DNM1: variants seen among roughly 807,000 people sequenced by gnomAD.
DNM1 encodes dynamin-1.
In DNM1, 29 loss-of-function variants were observed where a neutral mutation model predicts 104.6. That is an observed-to-expected ratio of 0.28 (90% confidence interval 0.21 to 0.38). The LOEUF (loss-of-function observed/expected upper bound fraction) is 0.38. Ranked by LOEUF, DNM1 falls within the 10% of genes least tolerant of loss-of-function variation. The pLI, the probability that DNM1 is intolerant of heterozygous loss-of-function variation, is 1.00. For synonymous variants in DNM1, 445 were observed against 475.8 expected, an observed-to-expected ratio of 0.94 and a Z score of 0.84; for missense variants, 640 against 1,189.4, an observed-to-expected ratio of 0.54 and a Z score of 6.79.
rs1208133287 is a variant in DNM1, at chr9:128,245,985, G to T, written c.1672-409G>T. On this transcript the variant is annotated intron_variant, in intron 15 of 21. Coordinates refer to ENST00000372923, the MANE Select transcript of DNM1 (RefSeq NM_004408.4). This position sits in a 1 kb window ranked among gnomAD's most constrained non-coding sequence, Gnocchi z 5.2. Reference sequence around the variant, plus strand: ...TGGGCTGAGCCGGCCCTTTGAAGCCGCCGGGTCTGGTGGCCCCCCTTCCTG... The same window carrying T: ...TGGGCTGAGCCGGCCCTTTGAAGCCTCCGGGTCTGGTGGCCCCCCTTCCTG... Among the ~76,000 whole-genome samples, 1 of 152,222 alleles carries T rather than the reference G, an allele frequency of 6.6e-6. No individual in the cohort carries two copies. The highest frequency in any genetic ancestry group is 1.5e-5 in the Non-Finnish European group (1 of 68,030).
chr9:128,219,653 T>G (rs1834825040), intron 4 of DNM1, among the ~76,000 whole-genome samples: 1 of 145,742 alleles, frequency 6.9e-6, no homozygotes, highest in African/African-American at 2.6e-5. Flanking sequence ...TGGGCAAGAG[T>G]GAGACCCTGT....
intron 11 of DNM1, among the ~76,000 whole-genome samples, chr9:128,234,308 A>C (rs1274668417): frequency 6.6e-6 from 1 of 152,228 alleles, no homozygotes; most frequent in Non-Finnish European, 1.5e-5. Context: ...GCCATGTTTA[A>C]GCGCACAGTT....
chr9:128,222,247 G>T lies in DNM1; in HGVS notation c.900G>T (p.Leu300=), dbSNP rs1485983647. The change falls in exon 7 of 22, where the codon CTG becomes CTT. Residue 300 remains leucine, a synonymous_variant. Transcript: ENST00000372923. This position sits in a 1 kb window ranked among gnomAD's most constrained non-coding sequence, Gnocchi z 7.8. ...RDTLPGLRNK[L]QSQLLSIEKE... ...CACTGCCGGGGCTGCGGAACAAGCT[G>T]CAGAGCCAGCTACTGTCCATTGAGA... is the stretch of plus-strand genomic sequence containing the variant. 5 of 1,614,154 alleles carry T rather than the reference G, an allele frequency of 3.1e-6. No homozygotes were observed. Among genetic ancestry groups the T allele is most frequent in the Non-Finnish European group, 4.2e-6 (5 of 1,180,018 alleles).
chr9:128,229,149 T>C (rs1835513988), intron 10 of DNM1, among the ~76,000 whole-genome samples: 1 of 152,148 alleles, frequency 6.6e-6, no homozygotes. Context: ...CCCAGAACTT[T>C]GGGAAGCTGA....
chr9:128,242,797 G>C (rs979905458), intron 15 of DNM1, among the ~76,000 whole-genome samples: 32 of 152,276 alleles, frequency 2.1e-4, no homozygotes, highest in African/African-American at 7.7e-4. Flanking sequence ...GGGATGCAAG[G>C]GTCCAAGGCA....
chr9:128,233,952 G>A (rs1465753088), intron 10 of DNM1, 69 bp from the exon 11 acceptor site: 11 of 1,402,620 alleles, frequency 7.8e-6, no homozygotes, highest in Middle Eastern at 2.2e-4. Context: ...CCCTGGACTC[G>A]TGGGGTGTGG....
chr9:128,210,359 T>TTATTATTATTATTAC (rs1429593247), intron 1 of DNM1, among the ~76,000 whole-genome samples: 11 of 148,500 alleles, frequency 7.4e-5, no homozygotes, highest in Admixed American at 4.8e-4. Context: ...ATTATTATTA[T>TTATTATTATTATTAC]TATTATTATT....
At chr9:128,228,870 C>A (rs760556177) in intron 10 of DNM1, among the ~76,000 whole-genome samples, 2 of 151,928 alleles carry the variant, frequency 1.3e-5, no homozygotes, top group Non-Finnish European at 2.9e-5. Context: ...GTAGTCCCAG[C>A]TACTCAGGAG....
In DNM1 at chr9:128,247,279, C is replaced by T. The variant is rs1024113310; in HGVS notation, c.1782-96C>T. The T allele has an allele frequency of 1.3e-6, 1 of 748,312 alleles. No homozygotes were observed. Among genetic ancestry groups the T allele is most frequent in the Non-Finnish European group, 2.3e-6 (1 of 441,980 alleles). The allele number at this position is 748,312 out of a possible 1,614,324, so 46.4% of individuals were successfully genotyped here. On this transcript the variant is annotated intron_variant, in intron 16 of 21. Transcript: ENST00000372923. The surrounding 1 kb of genome is among the most constrained non-coding windows in gnomAD (Gnocchi z 5.1). Reference sequence around the variant, plus strand: ...TCACACAGCTGGGAAATGAGCTGGCCTCAGGCATGTTGACCCCAAAGTCTG... The same window carrying T: ...TCACACAGCTGGGAAATGAGCTGGCTTCAGGCATGTTGACCCCAAAGTCTG...
At chr9:128,219,906 C>T (rs930931434) in intron 4 of DNM1, 82 bp from the exon 5 acceptor site, 5 of 1,134,014 alleles carry the variant, frequency 4.4e-6, no homozygotes, top group Middle Eastern at 2.5e-4. Flanking sequence ...CCGAGGAGAG[C>T]AGGGGGATGG....
intron 10 of DNM1, among the ~76,000 whole-genome samples, chr9:128,230,500 G>A (rs1233426862): frequency 2.0e-5 from 3 of 150,300 alleles, no homozygotes; most frequent in Non-Finnish European, 4.4e-5. Flanking sequence ...GCCCAGGCTG[G>A]AGTGCAATGG....
intron 11 of DNM1, among the ~76,000 whole-genome samples, chr9:128,236,134 T>G (rs1366658111): frequency 6.6e-6 from 1 of 152,200 alleles, no homozygotes; most frequent in Non-Finnish European, 1.5e-5. Flanking sequence ...CCACCTTTTA[T>G]GTCATCGTTC....
rs1385153698 is a variant in DNM1 at position 128,218,157 on chromosome 9, G to A, written c.162-74G>A. ...GGAAGGAGCTTTGGCTTTCCCAGGG[G>A]CCGGACAGGTACCCCTGGGACAGAG... On this transcript the variant is annotated intron_variant, in intron 1 of 21. Coordinates refer to ENST00000372923, the MANE Select transcript of DNM1 (RefSeq NM_004408.4). The surrounding 1 kb of genome is among the most constrained non-coding windows in gnomAD (Gnocchi z 4.8). The A allele has an allele frequency of 1.4e-6, 2 of 1,449,928 alleles. No individual in the cohort carries two copies. Among genetic ancestry groups the A allele is most frequent in the Non-Finnish European group, 1.9e-6 (2 of 1,030,812 alleles). The allele number at this position is 1,449,928 out of a possible 1,614,324, so 89.8% of individuals were successfully genotyped here.
At position 128,242,356 on chromosome 9, in the gene DNM1, G is replaced by C. The variant is rs377034879; in HGVS notation, c.1671+11G>C. 3 of 1,490,154 alleles carry C rather than the reference G, an allele frequency of 2.0e-6. No homozygotes were observed. The African/African-American group carries it at 4.1e-5, about 21-fold the overall frequency. 92.3% of individuals were successfully genotyped at this position (1,490,154 alleles called of 1,614,324 possible). The stretch of plus-strand genomic sequence containing the variant: ...TACAAGGATGATGAGGTGAGTCAAG[G>C]GCCAGTGGTCATCAAGGGGCTGGGC... On this transcript the variant is annotated intron_variant, in intron 15 of 21. Transcript: ENST00000372923.
Position 128,253,521 on chromosome 9 carries a change from C to T in DNM1, c.2535-1133C>T. 3.5e-6 allele frequency: 1 copy of T among 286,126 alleles called. No homozygotes were observed. The highest frequency in any genetic ancestry group is 5.6e-5 in the South Asian group (1 of 17,888). The allele number at this position is 286,126 out of a possible 1,614,324, so 17.7% of individuals were successfully genotyped here. A position where few individuals can be genotyped will look rare whatever the true frequency, so the allele number is the denominator to read the frequency against. ...GCTGGACTCTGAGGCGGCCAGAGGC[C>T]TAGGAACGTTATCCTGGGCACACCG... On this transcript the variant is annotated intron_variant, in intron 21 of 21. Coordinates refer to ENST00000372923, the MANE Select transcript of DNM1 (RefSeq NM_004408.4). The surrounding 1 kb of genome is among the most constrained non-coding windows in gnomAD (Gnocchi z 5.9).
intron 1 of DNM1, among the ~76,000 whole-genome samples, chr9:128,208,653 GAGGA>G (rs1834111961): frequency 1.3e-5 from 2 of 152,334 alleles, no homozygotes; most frequent in Admixed American, 1.3e-4. Flanking sequence ...GCCAGGCCCT[GAGGA>G]TACAGTTGTG....
chr9:128,209,734 C>G (rs1243017348), intron 1 of DNM1, among the ~76,000 whole-genome samples: 1 of 152,206 alleles, frequency 6.6e-6, no homozygotes, highest in Non-Finnish European at 1.5e-5. Context: ...CCCTCATATC[C>G]CAGCTCCAGA....
intron 10 of DNM1, among the ~76,000 whole-genome samples, chr9:128,225,506 T>C (rs1835288718): frequency 6.6e-6 from 1 of 152,022 alleles, no homozygotes; most frequent in Admixed American, 6.5e-5. Flanking sequence ...ACCCTAGAGA[T>C]AGGGAATGGT....
At chr9:128,232,145 T>C (rs1183403496) in intron 10 of DNM1, 1 of 430,928 alleles carries the variant, frequency 2.3e-6, no homozygotes, top group African/African-American at 2.0e-5. Flanking sequence ...GAATTGGTCA[T>C]GCTCTTTGGC....
Sources: gnomAD v4.1 joint callset for allele counts (sites outside exome capture counted in the v4.1 genomes callset) on GRCh38, gnomAD v4.1.1 for gene constraint, Gnocchi (gnomAD v3.1) non-coding constraint, MANE v1.5 for transcripts, NCBI Gene and HGNC (gene_info 2026-07-23, HGNC 2026-07-21) for gene names.